The following WDR7 variants were observed in gnomAD, a reference collection of about 807,000 sequenced individuals.
The protein encoded by WDR7 is WD repeat domain 7.
A neutral mutation model predicts 169.4 loss-of-function variants in WDR7; 46 were observed. The observed-to-expected ratio is 0.27, with a 90% CI of 0.21 to 0.35. The LOEUF (loss-of-function observed/expected upper bound fraction) is 0.35. WDR7 is among the 10% of genes least tolerant of loss of function. The pLI is 1.00. For missense variants in WDR7, 1,534 were observed against 1,859.3 expected (o/e 0.83, Z 3.22); for synonymous variants, 612 against 666.8 (o/e 0.92, Z 1.27).
At chr18:56,778,057 A>G (rs1450627049) in intron 17 of WDR7, among the ~76,000 whole-genome samples, 1 of 152,210 alleles carries the variant, frequency 6.6e-6, no homozygotes, top group African/African-American at 2.4e-5. Context: ...ATTACTAGGT[A>G]TATACATATA....
chr18:56,831,071 CCCAGCCTGGGAGAGT>C (rs2045300195), intron 20 of WDR7, among the ~76,000 whole-genome samples: 1 of 152,156 alleles, frequency 6.6e-6, no homozygotes, highest in South Asian at 2.1e-4. Context: ...TGTACATCAA[CCCAGCCTGGGAGAGT>C]CCCTGTAGGA....
rs780986058 is a variant in WDR7, at chr18:56,758,856, T to C, written c.2760-9T>C. ...AAATATATCTTGTATTTTTTTCTTC[T>C]TTTTTAAGGCCACCTAGACCAAGCA... On this transcript the variant is annotated splice_polypyrimidine_tract_variant and intron_variant, in intron 15 of 27. Transcript: ENST00000254442. 8.8e-6 allele frequency: 14 copies of C among 1,594,290 alleles called. No homozygotes were observed. The highest frequency in any genetic ancestry group is 1.2e-5 in the South Asian group (1 of 86,132).
rs201457582 is a variant in WDR7, at chr18:56,793,770, C to T, written c.3190+12114C>T. 6.4e-4 allele frequency among the ~76,000 whole-genome samples: 97 copies of T among 152,190 alleles called. 1 individual carries two copies. The East Asian group carries it at 8.7e-3, about 14-fold the overall frequency. On this transcript the variant is annotated intron_variant, in intron 19 of 27. Transcript: ENST00000254442. ...ATGAATAGGATAACAGAGACATATT[C>T]CTCTTATATATTTGGCCAGAAAACA...
intron 7 of WDR7, among the ~76,000 whole-genome samples, chr18:56,690,565 A>G (rs529964465): frequency 2.0e-5 from 3 of 152,320 alleles, no homozygotes; most frequent in African/African-American, 7.2e-5. Context: ...CTGTAATCCC[A>G]GCACTTTAGG....
At chr18:56,869,348 C>A (rs73436744) in intron 20 of WDR7, among the ~76,000 whole-genome samples, 2,641 of 152,218 alleles carry the variant, frequency 0.017, 77 homozygotes, top group African/African-American at 0.058. Context: ...TTTGCAGAAC[C>A]TATTGTGTTC....
chr18:56,682,767 G>A lies in WDR7; in HGVS notation c.434G>A (p.Ser145Asn). 1.2e-6 allele frequency: 2 copies of A among 1,613,828 alleles called. No homozygotes were observed. The highest frequency in any genetic ancestry group is 1.7e-6 in the Non-Finnish European group (2 of 1,179,792). The change falls in exon 5 of 28, where the codon AGC (serine) becomes AAC (asparagine). Residue 145 changes from serine (S) to asparagine (N), a missense_variant. Ser to Asn is a conservative substitution (Grantham distance 46). Coordinates refer to ENST00000254442, the MANE Select transcript of WDR7 (RefSeq NM_015285.3). ...GAAATCCTTGTTGTGGATGCTACCA[G>A]CCTTGAAGTATTATACTCCTTAGTA... is the stretch of plus-strand genomic sequence containing the variant. ...YPEILVVDAT[S>N]LEVLYSLVSK...
chr18:56,696,752 GT>G (rs2025713415), intron 12 of WDR7, among the ~76,000 whole-genome samples: 1 of 152,052 alleles, frequency 6.6e-6, no homozygotes, highest in Non-Finnish European at 1.5e-5. Context: ...ATTGAATGAT[GT>G]TTCAATTTTA....
Position 56,939,368 on chromosome 18 carries a change from C to G in WDR7, c.4039C>G (p.Gln1347Glu). 1 of 1,576,660 alleles carries G rather than the reference C, an allele frequency of 6.3e-7. No homozygotes were observed. The highest frequency in any genetic ancestry group is 8.6e-7 in the Non-Finnish European group (1 of 1,159,440). ...ATCTTTAGTTAAAAAGAAAGGTCTT[C>G]AAGAATGTTTCCCAGCCATCTGCAG... ...EGSLVKKKGL[Q>E]ECFPAICRFY... Residue 1347 changes from glutamine (Q) to glutamate (E), a missense_variant, in exon 25 of 28, where the codon CAA becomes GAA. Gln to Glu is a conservative substitution (Grantham distance 29, BLOSUM62 2). Coordinates refer to ENST00000254442, the MANE Select transcript of WDR7 (RefSeq NM_015285.3).
At chr18:56,670,450 T>C (rs1454666693) in intron 1 of WDR7, among the ~76,000 whole-genome samples, 2 of 152,178 alleles carry the variant, frequency 1.3e-5, no homozygotes, top group Non-Finnish European at 2.9e-5. Context: ...TCTCACCACG[T>C]TGGATTCAGT....
chr18:56,683,316 T>A (rs145538992), intron 5 of WDR7, among the ~76,000 whole-genome samples: 2 of 152,222 alleles, frequency 1.3e-5, no homozygotes, highest in African/African-American at 4.8e-5. Context: ...TGATATGTAC[T>A]TGATGCTCAA....
intron 19 of WDR7, among the ~76,000 whole-genome samples, chr18:56,793,092 C>A (rs2044520366): frequency 6.6e-6 from 1 of 152,150 alleles, no homozygotes; most frequent in Non-Finnish European, 1.5e-5. Context: ...ATAGTTGTCT[C>A]CTGGAAGCAC....
chr18:56,750,144 TA>T, intron 14 of WDR7, among the ~76,000 whole-genome samples: 1 of 152,284 alleles, frequency 6.6e-6, no homozygotes, highest in East Asian at 1.9e-4. Flanking sequence ...CTGCTACTCT[TA>T]ACCTGTAATT....
intron 19 of WDR7, among the ~76,000 whole-genome samples, chr18:56,812,653 C>T (rs2044891702): frequency 1.3e-5 from 2 of 152,160 alleles, no homozygotes; most frequent in African/African-American, 2.4e-5. Context: ...CCCTGAGAAC[C>T]TACAGGGTTG....
intron 21 of WDR7, among the ~76,000 whole-genome samples, chr18:56,892,945 C>T (rs1382310484): frequency 6.6e-6 from 1 of 151,788 alleles, no homozygotes; most frequent in African/African-American, 2.4e-5. Flanking sequence ...ATACAACATA[C>T]AATATTTATA....
chr18:56,656,479 C>T (rs998262223), intron 1 of WDR7, among the ~76,000 whole-genome samples: 6 of 151,756 alleles, frequency 4.0e-5, no homozygotes, highest in African/African-American at 1.2e-4. Context: ...GGGGTTTTAC[C>T]ATGTTGCCCA....
intron 13 of WDR7, among the ~76,000 whole-genome samples, chr18:56,724,506 C>T (rs2026398339): frequency 2.0e-5 from 3 of 151,150 alleles, no homozygotes. Flanking sequence ...GCCACCGCTC[C>T]TGGCCATGCC....
intron 14 of WDR7, among the ~76,000 whole-genome samples, chr18:56,748,621 TGTCTCTA>T (rs1487696674): frequency 6.6e-6 from 1 of 152,140 alleles, no homozygotes; most frequent in Non-Finnish European, 1.5e-5. Flanking sequence ...CTCAGTCAAA[TGTCTCTA>T]GTTTATGCTT....
intron 12 of WDR7, among the ~76,000 whole-genome samples, chr18:56,701,508 G>T: frequency 6.6e-6 from 1 of 152,070 alleles, no homozygotes; most frequent in South Asian, 2.1e-4. Context: ...ATTTTTAAAT[G>T]AGTGGTTTTC....
At chr18:57,010,662 G>T (rs1183618083) in intron 26 of WDR7, among the ~76,000 whole-genome samples, 1 of 152,092 alleles carries the variant, frequency 6.6e-6, no homozygotes, top group Non-Finnish European at 1.5e-5. Context: ...GCAAAGAAAA[G>T]ACATATCAAT....
Sources: allele counts gnomAD v4.1 joint callset (sites outside exome capture counted in the v4.1 genomes callset), GRCh38; gene constraint gnomAD v4.1.1; transcripts MANE v1.5; gene names NCBI Gene and HGNC (gene_info 2026-07-23, HGNC 2026-07-21).